PITPNC1: variants seen among roughly 807,000 people sequenced by gnomAD.
PITPNC1 encodes cytoplasmic phosphatidylinositol transfer protein 1.
PITPNC1 carries 18 observed loss-of-function variants against 44.7 expected under a neutral mutation model. That is an observed-to-expected ratio of 0.40 (90% CI 0.28 to 0.60). The LOEUF (loss-of-function observed/expected upper bound fraction) is 0.60, where lower values mean the gene tolerates loss of function less well. Ranked by LOEUF, PITPNC1 falls within the 20% of genes least tolerant of loss-of-function variation. The probability of loss-of-function intolerance (pLI) is 0.39; values close to 1 mark genes in which losing one functional copy is unlikely to be tolerated. For synonymous variants in PITPNC1, 141 were observed against 149.6 expected (o/e 0.94, Z 0.42); for missense variants, 290 against 418.4 (o/e 0.69, Z 2.68).
chr17:67,575,986 C>T (rs1005885159), intron 4 of PITPNC1, among the ~76,000 whole-genome samples: 4 of 149,768 alleles, frequency 2.7e-5, no homozygotes, highest in Non-Finnish European at 5.9e-5. Flanking sequence ...AAGCGATTCT[C>T]GTGCCTCAGC....
At chr17:67,624,668 C>T (rs2041874678) in intron 5 of PITPNC1, among the ~76,000 whole-genome samples, 1 of 152,012 alleles carries the variant, frequency 6.6e-6, no homozygotes, top group Non-Finnish European at 1.5e-5. Context: ...ACTACAGGCA[C>T]CCGCCAATAT....
chr17:67,624,037 T>C (rs2041865271), intron 5 of PITPNC1, among the ~76,000 whole-genome samples: 1 of 152,154 alleles, frequency 6.6e-6, no homozygotes, highest in Admixed American at 6.6e-5. Flanking sequence ...CAGCACGTAA[T>C]AGTTCATGAA....
intron 1 of PITPNC1, among the ~76,000 whole-genome samples, chr17:67,413,328 C>G (rs2038532476): frequency 6.6e-6 from 1 of 152,088 alleles, no homozygotes; most frequent in Non-Finnish European, 1.5e-5. Flanking sequence ...GACCCATTAG[C>G]TCAGCTATAG....
At chr17:67,663,757 G>A (rs1308753389) in intron 6 of PITPNC1, among the ~76,000 whole-genome samples, 1 of 152,062 alleles carries the variant, frequency 6.6e-6, no homozygotes, top group Non-Finnish European at 1.5e-5. Context: ...TAGGATGCGG[G>A]TGGTAACTTC....
At chr17:67,429,126 C>T (rs1208519626) in intron 1 of PITPNC1, among the ~76,000 whole-genome samples, 4 of 152,124 alleles carry the variant, frequency 2.6e-5, no homozygotes, top group Non-Finnish European at 5.9e-5. Context: ...CAGGCATGAG[C>T]CACCACGCCC....
chr17:67,473,283 C>A (rs780164373), intron 1 of PITPNC1, among the ~76,000 whole-genome samples: 1 of 152,116 alleles, frequency 6.6e-6, no homozygotes, highest in African/African-American at 2.4e-5. Context: ...TGTCTACCCA[C>A]CTCGGCCTCC....
At chr17:67,424,714 T>G (rs1466878914) in intron 1 of PITPNC1, among the ~76,000 whole-genome samples, 1 of 151,974 alleles carries the variant, frequency 6.6e-6, no homozygotes, top group African/African-American at 2.4e-5. Flanking sequence ...AATTCGACAA[T>G]TCATGCAGTC....
chr17:67,475,871 C>T (rs2039619042), intron 1 of PITPNC1, among the ~76,000 whole-genome samples: 1 of 152,130 alleles, frequency 6.6e-6, no homozygotes, highest in African/African-American at 2.4e-5. Context: ...ATTTCTCAGT[C>T]GACTGTCAGT....
chr17:67,515,414 C>A (rs1207188724), intron 1 of PITPNC1, among the ~76,000 whole-genome samples: 1 of 152,144 alleles, frequency 6.6e-6, no homozygotes, highest in Non-Finnish European at 1.5e-5. Flanking sequence ...GAATGTATAT[C>A]ATTAGGATAT....
chr17:67,387,726 A>G (rs954331196), intron 1 of PITPNC1, among the ~76,000 whole-genome samples: 1 of 152,190 alleles, frequency 6.6e-6, no homozygotes, highest in Non-Finnish European at 1.5e-5. Context: ...ATCCTCTATT[A>G]TCTGCCTCTC....
At chr17:67,586,413 C>G (rs2041316833) in intron 5 of PITPNC1, among the ~76,000 whole-genome samples, 1 of 140,102 alleles carries the variant, frequency 7.1e-6, no homozygotes, top group Non-Finnish European at 1.5e-5. Flanking sequence ...TGGTGAAACC[C>G]TGTTTCTACT....
At chr17:67,602,021 G>A (rs745929596) in intron 5 of PITPNC1, among the ~76,000 whole-genome samples, 6 of 152,138 alleles carry the variant, frequency 3.9e-5, no homozygotes, top group Non-Finnish European at 8.8e-5. Context: ...ATGGGAAATG[G>A]ATGAGAAGCG....
rs2038893943 is a variant in PITPNC1, at chr17:67,433,803, G to C, written c.48+55601G>C. On this transcript the variant is annotated intron_variant, in intron 1 of 8. Transcript: ENST00000581322. ...TTGAACCCAGGAGGCTGACGCAGGA[G>C]GATCACTGGAACCCAGCAGTCTGAG... Among the ~76,000 whole-genome samples, 6 of 152,212 alleles carry C rather than the reference G, an allele frequency of 3.9e-5. No homozygotes were observed. In the South Asian group the frequency reaches 1.2e-3, roughly 32 times the overall value.
In PITPNC1 at chr17:67,553,299, C is replaced by T. The variant is rs191072146; in HGVS notation, c.287-311C>T. ...CCTTTGTGGTTAATGAAATACTCTA[C>T]TGGAATTATTAGTCTTTCATTTGCT... On this transcript the variant is annotated intron_variant, in intron 3 of 8. Transcript: ENST00000581322. 1.5e-3 allele frequency: 331 copies of T among 223,798 alleles called. 1 individual carries two copies. The highest frequency in any genetic ancestry group is 6.9e-3 in the African/African-American group (308 of 44,562). The allele number at this position is 223,798 out of a possible 1,614,324, so 13.9% of individuals were successfully genotyped here. A position where few individuals can be genotyped will look rare whatever the true frequency, so the allele number is the denominator to read the frequency against.
chr17:67,437,385 G>A (rs1039030245), intron 1 of PITPNC1, among the ~76,000 whole-genome samples: 18 of 152,106 alleles, frequency 1.2e-4, no homozygotes, highest in African/African-American at 4.3e-4. Flanking sequence ...GCAGAAGTTG[G>A]GGTGTTGCAG....
chr17:67,405,519 G>A (rs553444007), intron 1 of PITPNC1, among the ~76,000 whole-genome samples: 7 of 151,910 alleles, frequency 4.6e-5, no homozygotes, highest in Admixed American at 1.3e-4. Context: ...GATATTGCAC[G>A]GGTATGAATC....
intron 5 of PITPNC1, among the ~76,000 whole-genome samples, chr17:67,603,151 C>T (rs1000418665): frequency 2.0e-4 from 31 of 152,166 alleles, no homozygotes; most frequent in African/African-American, 7.0e-4. Context: ...AAAGTCAGAG[C>T]CACTTGCTGA....
chr17:67,379,080 C>T, intron 1 of PITPNC1: 1 of 985,900 alleles, frequency 1.0e-6, no homozygotes, highest in Non-Finnish European at 1.2e-6. Flanking sequence ...CCCTTTCTTC[C>T]CCTTCTTCCT....
intron 1 of PITPNC1, among the ~76,000 whole-genome samples, chr17:67,480,942 C>T (rs932875106): frequency 6.6e-6 from 1 of 152,232 alleles, no homozygotes; most frequent in Non-Finnish European, 1.5e-5. Context: ...TACTGTGGCT[C>T]ATGCCTGTAA....
Sources: allele counts gnomAD v4.1 joint callset (sites outside exome capture counted in the v4.1 genomes callset), GRCh38; gene constraint gnomAD v4.1.1; transcripts MANE v1.5; gene names NCBI Gene and HGNC (gene_info 2026-07-23, HGNC 2026-07-21).